Variants in GTF2A1 observed in about 807,000 individuals in gnomAD.
GTF2A1 encodes transcription initiation factor IIA subunit 1.
Under a neutral mutation model 54.1 loss-of-function variants are expected in GTF2A1, and 12 were observed. The observed-to-expected ratio is 0.22, with a 90% CI of 0.14 to 0.36. The LOEUF is 0.36. Among genes scored for constraint, GTF2A1 ranks in the 10% least tolerant of loss-of-function variants. GTF2A1 has a pLI of 1.00. For synonymous variants in GTF2A1, 145 were observed against 152.0 expected, an observed-to-expected ratio of 0.95 and a Z score of 0.34; for missense variants, 335 against 442.2, an observed-to-expected ratio of 0.76 and a Z score of 2.17.
At chr14:81,195,125 G>C (rs977679685) in intron 6 of GTF2A1, among the ~76,000 whole-genome samples, 10 of 135,284 alleles carry the variant, frequency 7.4e-5, no homozygotes, top group African/African-American at 2.9e-4. Flanking sequence ...AGGTGACAGA[G>C]ACTCTGTCTC....
chr14:81,205,459 T>C (rs1305980051), intron 2 of GTF2A1, among the ~76,000 whole-genome samples: 1 of 152,216 alleles, frequency 6.6e-6, no homozygotes, highest in African/African-American at 2.4e-5. Flanking sequence ...CTTAGAGAGA[T>C]GGTAACAAGA....
chr14:81,202,435 A>G (rs558929080), intron 3 of GTF2A1, among the ~76,000 whole-genome samples: 6 of 152,308 alleles, frequency 3.9e-5, no homozygotes, highest in South Asian at 2.1e-4. Flanking sequence ...GCTGTTTAAA[A>G]AATACAAATC....
chr14:81,209,384 T>C (rs552396674), intron 2 of GTF2A1, among the ~76,000 whole-genome samples: 2 of 152,362 alleles, frequency 1.3e-5, no homozygotes, highest in East Asian at 3.9e-4. Context: ...CATGTGGAAC[T>C]GTAAGTCCAA....
intron 8 of GTF2A1, among the ~76,000 whole-genome samples, chr14:81,183,127 A>G (rs536733912): frequency 6.6e-6 from 1 of 152,336 alleles, no homozygotes; most frequent in Non-Finnish European, 1.5e-5. Flanking sequence ...GATTGGAGTA[A>G]GCTTCCCAAT....
At chr14:81,208,481 C>A (rs1370478824) in intron 2 of GTF2A1, among the ~76,000 whole-genome samples, 1 of 152,204 alleles carries the variant, frequency 6.6e-6, no homozygotes, top group Non-Finnish European at 1.5e-5. Flanking sequence ...TAGGGCAGTG[C>A]AGAAGAGAAA....
At position 81,220,697 on chromosome 14, in the gene GTF2A1, G is replaced by A. The variant is rs1893618156; in HGVS notation, c.-179C>T. 7.7e-6 allele frequency: 3 copies of A among 391,466 alleles called. No homozygotes were observed. The highest frequency in any genetic ancestry group is 8.1e-5 in the South Asian group (1 of 12,298). The allele number at this position is 391,466 out of a possible 1,614,324, so 24.2% of individuals were successfully genotyped here. On this transcript the variant is annotated 5_prime_UTR_variant, in exon 1 of 9. Transcript: ENST00000553612. ...GGAGAGCGGAGAGAGGAGGAGGAGG[G>A]GGGCACTCCTCCCGCAGCTGAAAAC...
At chr14:81,200,652 A>AG (rs1008855901) in intron 4 of GTF2A1, among the ~76,000 whole-genome samples, 2 of 151,262 alleles carry the variant, frequency 1.3e-5, no homozygotes, top group African/African-American at 4.9e-5. Flanking sequence ...ACTTGAACGG[A>AG]GGGAAAAAAA....
At chr14:81,203,805 AAAGAC>A in intron 3 of GTF2A1, 90 bp downstream of exon 3, 3 of 1,110,216 alleles carry the variant, frequency 2.7e-6, no homozygotes, top group Admixed American at 1.8e-5. Flanking sequence ...GTGCCCCTTA[AAAGAC>A]AAGATCCAAA....
At chr14:81,196,365 ATTAAAGG>A (rs1892994155) in intron 5 of GTF2A1, 124 bp from the exon 6 acceptor site, 1 of 993,372 alleles carries the variant, frequency 1.0e-6, no homozygotes, top group African/African-American at 1.6e-5. Flanking sequence ...TAACAATTTT[ATTAAAGG>A]TTGTCATTCA....
chr14:81,199,545 T>C (rs1338070315), intron 4 of GTF2A1, among the ~76,000 whole-genome samples: 1 of 152,122 alleles, frequency 6.6e-6, no homozygotes, highest in Non-Finnish European at 1.5e-5. Context: ...TAAATCAGAA[T>C]AATGCAAACC....
At position 81,177,362 on chromosome 14, in the gene GTF2A1, C is replaced by T. The variant is rs944945075; in HGVS notation, c.*2861G>A. On this transcript the variant is annotated 3_prime_UTR_variant, in exon 9 of 9. Transcript: ENST00000553612. ...CATTTTACTCTAGAAATTAATTGCA[C>T]ATTAAAGAGTTGTTTTAGCCATATG... 1 of 152,116 alleles carries T rather than the reference C, an allele frequency of 6.6e-6. No homozygotes were observed. Among genetic ancestry groups the T allele is most frequent in the Non-Finnish European group, 1.5e-5 (1 of 67,972 alleles). The allele number at this position is 152,116 out of a possible 1,614,324, so 9.4% of individuals were successfully genotyped here. A position where few individuals can be genotyped will look rare whatever the true frequency, so the allele number is the denominator to read the frequency against.
chr14:81,199,017 T>G (rs1001027162), intron 4 of GTF2A1, among the ~76,000 whole-genome samples: 3 of 152,124 alleles, frequency 2.0e-5, no homozygotes, highest in African/African-American at 7.2e-5. Context: ...GGATACTCAA[T>G]TACCCAATTT....
rs545680292 is a variant in GTF2A1, at chr14:81,205,985, A to C, written c.133-1881T>G. Among the ~76,000 whole-genome samples, 26 of 152,334 alleles carry C rather than the reference A, an allele frequency of 1.7e-4. No individual in the cohort carries two copies. The South Asian group carries it at 5.2e-3, about 30-fold the overall frequency. ...CCTTCTACATCTTCTCCTCTCTTCCAAAACAAAACAAAGCCTGTTTCTTGT... is the reference window on the plus strand; with the variant it reads ...CCTTCTACATCTTCTCCTCTCTTCCCAAACAAAACAAAGCCTGTTTCTTGT... On this transcript the variant is annotated intron_variant, in intron 2 of 8. Transcript: ENST00000553612.
At chr14:81,214,107 T>G (rs1893433524) in intron 2 of GTF2A1, among the ~76,000 whole-genome samples, 1 of 152,128 alleles carries the variant, frequency 6.6e-6, no homozygotes, top group Non-Finnish European at 1.5e-5. Context: ...TCTAGAGAAG[T>G]TTCCTGTAGA....
At chr14:81,203,816 C>T in intron 3 of GTF2A1, 84 bp downstream of exon 3, 1 of 1,207,576 alleles carries the variant, frequency 8.3e-7, no homozygotes, top group Admixed American at 1.7e-5. Context: ...AAGACAAGAT[C>T]CAAAAAATGC....
intron 8 of GTF2A1, among the ~76,000 whole-genome samples, chr14:81,181,424 C>T (rs1458884299): frequency 1.3e-5 from 2 of 152,124 alleles, no homozygotes; most frequent in African/African-American, 2.4e-5. Flanking sequence ...AATGGTTTGA[C>T]CAAGTGTATA....
At chr14:81,206,906 TGA>T (rs1893243806) in intron 2 of GTF2A1, among the ~76,000 whole-genome samples, 1 of 152,014 alleles carries the variant, frequency 6.6e-6, no homozygotes, top group Non-Finnish European at 1.5e-5. Context: ...TGTACTACAC[TGA>T]GAAAAAACTT....
intron 3 of GTF2A1, chr14:81,202,977 C>T (rs1893146818): frequency 2.9e-6 from 1 of 341,002 alleles, no homozygotes. Context: ...CATATATATA[C>T]TGTCAAATGA....
chr14:81,204,789 A>G (rs530424605), intron 2 of GTF2A1, among the ~76,000 whole-genome samples: 2 of 152,292 alleles, frequency 1.3e-5, no homozygotes, highest in African/African-American at 2.4e-5. Context: ...AGGTTCTATG[A>G]TGGGAAAAAT....
Sources: allele counts gnomAD v4.1 joint callset (sites outside exome capture counted in the v4.1 genomes callset), GRCh38; gene constraint gnomAD v4.1.1; transcripts MANE v1.5; gene names NCBI Gene and HGNC (gene_info 2026-07-23, HGNC 2026-07-21).